Variants in BOD1 observed in about 807,000 individuals in gnomAD.
BOD1 encodes biorientation of chromosomes in cell division protein 1.
In BOD1, 11 loss-of-function variants were observed where a neutral mutation model predicts 15.7. The ratio of observed to expected loss-of-function variants is 0.70; its 90% confidence interval spans 0.44 to 1.16. BOD1 has a LOEUF of 1.16. Among genes scored for constraint, BOD1 ranks in the 50% most tolerant of loss-of-function variants. The pLI is 0.00. For synonymous variants in BOD1, 105 were observed against 103.5 expected (o/e 1.01, Z -0.09); for missense variants, 182 against 244.5 (o/e 0.74, Z 1.70).
intron 2 of BOD1, 33 bp downstream of exon 2, chr5:173,613,098 C>T: frequency 6.7e-7 from 1 of 1,494,670 alleles, no homozygotes; most frequent in East Asian, 2.2e-5. Context: ...GTGATGACTG[C>T]CTTTTCAAAA....
At chr5:173,613,461 C>T (rs566893315) in intron 1 of BOD1, among the ~76,000 whole-genome samples, 9 of 152,126 alleles carry the variant, frequency 5.9e-5, no homozygotes, top group African/African-American at 9.7e-5. Flanking sequence ...CAATGCCAGG[C>T]GCTTTACTTA....
chr5:173,616,410 TCCC>T lies in BOD1; in HGVS notation c.24_26del (p.Gly9del). ...TTCCGCCGCCGCCCACCGCGCCAGT[TCCC>T]CCGCCGCCGCCGCCGTCCGCCATGG... On this transcript the variant is annotated inframe_deletion, in exon 1 of 4. Transcript: ENST00000311086. The T allele has an allele frequency of 6.5e-7, 1 of 1,534,342 alleles. No homozygotes were observed. Among genetic ancestry groups the T allele is most frequent in the Non-Finnish European group, 8.7e-7 (1 of 1,151,128 alleles).
chr5:173,608,736 G>A (rs1382596071), intron 3 of BOD1, among the ~76,000 whole-genome samples: 1 of 152,164 alleles, frequency 6.6e-6, no homozygotes, highest in East Asian at 1.9e-4. Context: ...AATTTAAAAA[G>A]GGGGAGTGTT....
In BOD1 at chr5:173,607,934, T is replaced by C; in HGVS notation, c.*360A>G. On this transcript the variant is annotated 3_prime_UTR_variant, in exon 4 of 4. Coordinates refer to ENST00000311086, the MANE Select transcript of BOD1 (RefSeq NM_138369.3). ...TTTGGGACTGGCTATGTTCTCACTG[T>C]AGCTTCCGTTTATCCCACAGCACAA... 3.5e-6 allele frequency: 1 copy of C among 285,164 alleles called. No homozygotes were observed. The highest frequency in any genetic ancestry group is 6.6e-6 in the Non-Finnish European group (1 of 151,276). The allele number at this position is 285,164 out of a possible 1,614,324, so 17.7% of individuals were successfully genotyped here.
intron 2 of BOD1, among the ~76,000 whole-genome samples, chr5:173,611,368 T>C (rs1164976087): frequency 1.3e-5 from 2 of 152,202 alleles, no homozygotes; most frequent in Admixed American, 1.3e-4. Flanking sequence ...AGTGTCCACC[T>C]GGGGAGAGCA....
chr5:173,616,303 G>C lies in BOD1; in HGVS notation c.134C>G (p.Pro45Arg), dbSNP rs914105610. ...AGCGATGAGCTGCGGGTCGCCGGGAGGCAGCGAGGCCGGGTTGATGGGGCC... is the reference window on the plus strand; with the variant it reads ...AGCGATGAGCTGCGGGTCGCCGGGACGCAGCGAGGCCGGGTTGATGGGGCC... ...GGGPINPASL[P>R]PGDPQLIALI... The change falls in exon 1 of 4, where the codon CCT (proline) becomes CGT (arginine). Residue 45 changes from proline to arginine, a missense_variant. This residue lies in a region of BOD1 where 72 missense variants were observed against 68.9 expected (regional missense o/e 1.05). Coordinates refer to ENST00000311086, the MANE Select transcript of BOD1 (RefSeq NM_138369.3). The C allele has an allele frequency of 6.5e-7, 1 of 1,541,772 alleles. No individual in the cohort carries two copies. The highest frequency in any genetic ancestry group is 1.9e-5 in the Admixed American group (1 of 51,620).
chr5:173,614,339 AGG>A (rs2113340581), intron 1 of BOD1, among the ~76,000 whole-genome samples: 1 of 152,338 alleles, frequency 6.6e-6, no homozygotes, highest in African/African-American at 2.4e-5. Context: ...AAAAGGACAA[AGG>A]ACAGTGAACA....
intron 1 of BOD1, among the ~76,000 whole-genome samples, chr5:173,614,504 T>C (rs1755440666): frequency 6.6e-6 from 1 of 152,228 alleles, no homozygotes; most frequent in Non-Finnish European, 1.5e-5. Flanking sequence ...CAGTGCAAAG[T>C]AAATTACAGA....
chr5:173,612,877 C>A (rs10053923), intron 2 of BOD1, among the ~76,000 whole-genome samples: 2 of 152,162 alleles, frequency 1.3e-5, no homozygotes, highest in Non-Finnish European at 2.9e-5. Context: ...AAATGTCTCA[C>A]GATTTGGAAT....
chr5:173,616,453 C>A lies in BOD1; in HGVS notation c.-17G>T. 1 of 1,560,016 alleles carries A rather than the reference C, an allele frequency of 6.4e-7. No individual in the cohort carries two copies. The highest frequency in any genetic ancestry group is 8.6e-7 in the Non-Finnish European group (1 of 1,164,628). ...GTCCGCCATGGCTGCGCCCCGGGCC[C>A]ACAAGGGAGAACGACTATAGCTTCT... On this transcript the variant is annotated 5_prime_UTR_variant, in exon 1 of 4. Coordinates refer to ENST00000311086, the MANE Select transcript of BOD1 (RefSeq NM_138369.3).
intron 1 of BOD1, 110 bp from the exon 2 acceptor site, chr5:173,613,365 C>T: frequency 7.7e-7 from 1 of 1,293,968 alleles, no homozygotes; most frequent in South Asian, 1.2e-5. Context: ...TCTAAATACA[C>T]TTCCACTGTG....
Position 173,616,472 on chromosome 5 carries a change from A to T in BOD1, c.-36T>A. On this transcript the variant is annotated 5_prime_UTR_variant, in exon 1 of 4. Coordinates refer to ENST00000311086, the MANE Select transcript of BOD1 (RefSeq NM_138369.3). ...CGGGCCCACAAGGGAGAACGACTAT[A>T]GCTTCTTCTCCAGGACAGAAGGCCT... The T allele has an allele frequency of 6.4e-7, 1 of 1,557,378 alleles. No homozygotes were observed. Among genetic ancestry groups the T allele is most frequent in the Non-Finnish European group, 8.6e-7 (1 of 1,163,162 alleles).
rs1410455550 is a variant in BOD1, at chr5:173,607,354, C to T, written c.*940G>A. The stretch of plus-strand genomic sequence containing the variant: ...CTAAAGACCAGTGTCAGTAATGGCT[C>T]AGGGAGGAGAGAAACAGCCCACTAC... On this transcript the variant is annotated 3_prime_UTR_variant, in exon 4 of 4. Transcript: ENST00000311086. Among the ~76,000 whole-genome samples the T allele has an allele frequency of 6.6e-6, 1 of 152,122 alleles. No homozygotes were observed. Among genetic ancestry groups the T allele is most frequent in the Non-Finnish European group, 1.5e-5 (1 of 68,030 alleles).
chr5:173,614,658 A>G (rs905564851), intron 1 of BOD1: 1 of 152,266 alleles, frequency 6.6e-6, no homozygotes, highest in Non-Finnish European at 1.5e-5. Flanking sequence ...AAGGTCTCAG[A>G]TAAGATATGC....
intron 2 of BOD1, chr5:173,609,666 C>T (rs1755296851): frequency 2.0e-6 from 1 of 498,018 alleles, no homozygotes; most frequent in African/African-American, 1.9e-5. Context: ...CCACAATCAC[C>T]CAACCTTGTA....
chr5:173,613,202 C>G lies in BOD1; in HGVS notation c.291G>C (p.Leu97=). ...TCGTAGGATTCCATTCCTGCTTGTC[C>G]AGATGTGTTGACACAAAATTATCCA... ...QKVDNFVSTH[L]DKQEWNPTMN... is the part of the protein sequence containing the mutation. Residue 97 remains leucine, a synonymous_variant, in exon 2 of 4, where the codon CTG becomes CTC. Coordinates refer to ENST00000311086, the MANE Select transcript of BOD1 (RefSeq NM_138369.3). The G allele has an allele frequency of 6.2e-7, 1 of 1,614,142 alleles. No individual in the cohort carries two copies. Among genetic ancestry groups the G allele is most frequent in the Non-Finnish European group, 8.5e-7 (1 of 1,179,984 alleles).
At chr5:173,614,146 G>A (rs990424872) in intron 1 of BOD1, among the ~76,000 whole-genome samples, 5 of 152,300 alleles carry the variant, frequency 3.3e-5, no homozygotes, top group African/African-American at 9.6e-5. Flanking sequence ...CCAAACGCAC[G>A]CCTACCACCC....
At position 173,609,256 on chromosome 5, in the gene BOD1, A is replaced by T. The variant is rs565588980; in HGVS notation, c.541T>A (p.Ser181Thr). The T allele has an allele frequency of 2.9e-5, 46 of 1,613,870 alleles. No homozygotes were observed. Among genetic ancestry groups the T allele is most frequent in the Non-Finnish European group, 3.6e-5 (42 of 1,179,928 alleles). ...EPEGQDPPAPSQDTS is the reference protein window; with the variant it reads ...EPEGQDPPAPTQDTS Reference sequence around the variant, plus strand: ...ACTGGACCTTAGGAAGTGTCCTGAGATGGAGCTGGAGGGTCCTGGCCTTCG... The same window carrying T: ...ACTGGACCTTAGGAAGTGTCCTGAGTTGGAGCTGGAGGGTCCTGGCCTTCG... The change falls in exon 3 of 4, where the codon TCT becomes ACT. Residue 181 changes from serine to threonine, a missense_variant. By Grantham distance (58) the Ser-to-Thr change is moderately conservative. This residue lies in a region of BOD1 where 40 missense variants were observed against 45.3 expected (regional missense o/e 0.88). Coordinates refer to ENST00000311086, the MANE Select transcript of BOD1 (RefSeq NM_138369.3).
chr5:173,609,506 C>T lies in BOD1; in HGVS notation c.363-72G>A, dbSNP rs536426440. 4.1e-4 allele frequency: 618 copies of T among 1,492,356 alleles called. 3 individuals are homozygous for T. The African/African-American group carries it at 7.6e-3, about 18-fold the overall frequency. The allele number at this position is 1,492,356 out of a possible 1,614,324, so 92.4% of individuals were successfully genotyped here. ...TCATCTTTAGCCCCAATAAGTGTCACGTGCGAGCCCAATAAATGTCCACCT... is the reference window on the plus strand; with the variant it reads ...TCATCTTTAGCCCCAATAAGTGTCATGTGCGAGCCCAATAAATGTCCACCT... On this transcript the variant is annotated intron_variant, in intron 2 of 3. Coordinates refer to ENST00000311086, the MANE Select transcript of BOD1 (RefSeq NM_138369.3).
Sources: allele counts gnomAD v4.1 joint callset (sites outside exome capture counted in the v4.1 genomes callset), GRCh38; gene constraint gnomAD v4.1.1; regional missense constraint gnomAD v4.1.1; transcripts MANE v1.5; gene names NCBI Gene and HGNC (gene_info 2026-07-23, HGNC 2026-07-21).